Variants in CSNK2A2IP observed in about 807,000 individuals in gnomAD.
CSNK2A2IP encodes casein kinase 2 subunit alpha' interacting protein.
chr3:88,421,157 C>T, the CSNK2A2IP span, among the ~76,000 whole-genome samples: 2 of 152,100 alleles, frequency 1.3e-5, no homozygotes, highest in Non-Finnish European at 2.9e-5. Context: ...TTAAAAAACC[C>T]TTCCAAACTT....
At chr3:88,430,146 T>C in the CSNK2A2IP span, among the ~76,000 whole-genome samples, 11 of 152,120 alleles carry the variant, frequency 7.2e-5, no homozygotes, top group Admixed American at 6.5e-4. Context: ...GCTATTGCTT[T>C]ACATGCATGA....
At chr3:88,376,674 C>T in the CSNK2A2IP span, among the ~76,000 whole-genome samples, 1 of 151,800 alleles carries the variant, frequency 6.6e-6, no homozygotes, top group South Asian at 2.1e-4. Context: ...TCCCTTGTTC[C>T]TGCCATTTTC....
the CSNK2A2IP span, among the ~76,000 whole-genome samples, chr3:88,399,221 T>G: frequency 1.3e-5 from 2 of 152,196 alleles, no homozygotes; most frequent in Non-Finnish European, 2.9e-5. Context: ...TGAATTCTAT[T>G]ACGAAAGATT....
the CSNK2A2IP span, among the ~76,000 whole-genome samples, chr3:88,340,578 G>A: frequency 1.3e-5 from 2 of 151,916 alleles, no homozygotes; most frequent in East Asian, 3.9e-4. Context: ...GGAGCTATTT[G>A]TTCAATCATG....
the CSNK2A2IP span, among the ~76,000 whole-genome samples, chr3:88,407,588 G>A: frequency 6.6e-6 from 1 of 152,116 alleles, no homozygotes; most frequent in South Asian, 2.1e-4. Flanking sequence ...GTGACAGGTG[G>A]CCATATAGGC....
the CSNK2A2IP span, among the ~76,000 whole-genome samples, chr3:88,434,468 C>G: frequency 6.6e-6 from 1 of 152,042 alleles, no homozygotes; most frequent in Non-Finnish European, 1.5e-5. Flanking sequence ...GAATTCCAAG[C>G]TAAAGTTAGG....
chr3:88,399,231 TTTA>T, the CSNK2A2IP span, among the ~76,000 whole-genome samples: 1 of 152,168 alleles, frequency 6.6e-6, no homozygotes, highest in Non-Finnish European at 1.5e-5. Context: ...TACGAAAGAT[TTTA>T]TTATTTCATT....
chr3:88,366,723 C>A, the CSNK2A2IP span, among the ~76,000 whole-genome samples: 1 of 151,944 alleles, frequency 6.6e-6, no homozygotes, highest in African/African-American at 2.4e-5. Flanking sequence ...GGAGTGAATG[C>A]AAAGGACAAG....
At chr3:88,359,235 C>T in the CSNK2A2IP span, among the ~76,000 whole-genome samples, 2 of 151,464 alleles carry the variant, frequency 1.3e-5, no homozygotes, top group Admixed American at 6.6e-5. Flanking sequence ...TGTAATGTCT[C>T]TTTTTTCACC....
At chr3:88,449,580 T>G in the CSNK2A2IP span, among the ~76,000 whole-genome samples, 1 of 151,432 alleles carries the variant, frequency 6.6e-6, no homozygotes, top group Admixed American at 6.6e-5. Flanking sequence ...TTCATGTGTT[T>G]GCTCAACTAA....
the CSNK2A2IP span, among the ~76,000 whole-genome samples, chr3:88,412,535 C>T: frequency 6.6e-6 from 1 of 151,954 alleles, no homozygotes. Flanking sequence ...TGCTTGGGTA[C>T]TCACATGTAC....
chr3:88,431,414 A>C, the CSNK2A2IP span: 1 of 152,236 alleles, frequency 6.6e-6, no homozygotes, highest in Non-Finnish European at 1.5e-5. Flanking sequence ...ACGAGGATGC[A>C]AAGGCATAAG....
the CSNK2A2IP span, among the ~76,000 whole-genome samples, chr3:88,445,765 C>T: frequency 2.2e-4 from 34 of 152,234 alleles, no homozygotes; most frequent in Admixed American, 6.5e-4. Context: ...CTTGCCTAGC[C>T]TGGTCTTGAA....
the CSNK2A2IP span, among the ~76,000 whole-genome samples, chr3:88,366,473 A>G: frequency 6.6e-6 from 1 of 152,278 alleles, no homozygotes; most frequent in Middle Eastern, 3.4e-3. Context: ...ATGTCAACAA[A>G]TACTTAAGTT....
the CSNK2A2IP span, among the ~76,000 whole-genome samples, chr3:88,438,831 A>T: frequency 0.8 from 121,531 of 151,638 alleles, 49,597 homozygotes; most frequent in Non-Finnish European, 0.88. Context: ...AGTTGTCTTT[A>T]ATTATTAAGA....
At chr3:88,443,850 A>C in the CSNK2A2IP span, among the ~76,000 whole-genome samples, 2,066 of 151,680 alleles carry the variant, frequency 0.014, 38 homozygotes, top group African/African-American at 0.048. Context: ...TTTGCTACTC[A>C]CCAGTTTTCT....
the CSNK2A2IP span, among the ~76,000 whole-genome samples, chr3:88,379,658 C>A: frequency 6.6e-6 from 1 of 151,966 alleles, no homozygotes; most frequent in Non-Finnish European, 1.5e-5. Flanking sequence ...TGTACAAACC[C>A]ACTCAGTTTA....
At chr3:88,442,893 T>C in the CSNK2A2IP span, among the ~76,000 whole-genome samples, 1 of 152,002 alleles carries the variant, frequency 6.6e-6, no homozygotes, top group Non-Finnish European at 1.5e-5. Context: ...AAAAATTATT[T>C]ATTATAATTA....
At chr3:88,367,187 C>T in the CSNK2A2IP span, among the ~76,000 whole-genome samples, 1 of 152,044 alleles carries the variant, frequency 6.6e-6, no homozygotes, top group African/African-American at 2.4e-5. Flanking sequence ...CCTGCTCCCT[C>T]ATTGTTATCA....
Sources: allele counts gnomAD v4.1 joint callset (sites outside exome capture counted in the v4.1 genomes callset), GRCh38; gene constraint gnomAD v4.1.1; transcripts MANE v1.5; gene names NCBI Gene and HGNC (gene_info 2026-07-23, HGNC 2026-07-21).